Variants in ECPAS observed in about 807,000 individuals in gnomAD.
ECPAS encodes Ecm29 proteasome adaptor and scaffold.
In ECPAS, 70 loss-of-function variants were observed where a neutral mutation model predicts 255.1. The observed-to-expected ratio is 0.27, with a 90% CI of 0.23 to 0.33. The LOEUF is 0.33. Ranked by LOEUF, ECPAS falls within the 10% of genes least tolerant of loss-of-function variation. The pLI, the probability that ECPAS is intolerant of heterozygous loss-of-function variation, is 1.00. For synonymous variants in ECPAS, 784 were observed against 775.0 expected (o/e 1.01, Z -0.19); for missense variants, 1,817 against 2,206.4 (o/e 0.82, Z 3.54).
rs1253338514 is a variant in ECPAS at position 111,408,570 on chromosome 9, C to A, written c.2652+1G>T. The A allele has an allele frequency of 6.5e-7, 1 of 1,527,368 alleles. No individual in the cohort carries two copies. 94.6% of individuals were successfully genotyped at this position (1,527,368 alleles called of 1,614,324 possible). A position where few individuals can be genotyped will look rare whatever the true frequency, so the allele number is the denominator to read the frequency against. On this transcript the variant is annotated splice_donor_variant, in intron 24 of 49. Coordinates refer to ENST00000684092, the MANE Select transcript of ECPAS (RefSeq NM_001364929.1). LOFTEE classifies it high-confidence loss of function. ...TAACAATCAGGTAGCAATATAAATA[C>A]CTCCACAGAATCCATCAGACCTTGC... is the stretch of plus-strand genomic sequence containing the variant.
At chr9:111,414,304 A>C in intron 19 of ECPAS, 125 bp downstream of exon 19, 1 of 832,654 alleles carries the variant, frequency 1.2e-6, no homozygotes, top group Non-Finnish European at 1.8e-6. Flanking sequence ...GTTTAAAAAG[A>C]AACAAAGGCT....
chr9:111,394,136 C>T (rs1368477627), intron 26 of ECPAS, 24 bp downstream of exon 26: 7 of 1,580,262 alleles, frequency 4.4e-6, no homozygotes, highest in Admixed American at 1.9e-5. Context: ...TCCAACAGGG[C>T]TGACCACATA....
At chr9:111,424,047 C>T (rs1489759758) in intron 12 of ECPAS, among the ~76,000 whole-genome samples, 1 of 152,112 alleles carries the variant, frequency 6.6e-6, no homozygotes, top group Non-Finnish European at 1.5e-5. Flanking sequence ...ACAGCTTCTC[C>T]CCAAGAGCCC....
At chr9:111,406,135 G>A (rs1412561133) in intron 24 of ECPAS, among the ~76,000 whole-genome samples, 1 of 149,678 alleles carries the variant, frequency 6.7e-6, no homozygotes, top group Non-Finnish European at 1.5e-5. Context: ...TCCAGCAACA[G>A]ATGAATGGAT....
chr9:111,424,566 C>T (rs969828990), intron 12 of ECPAS, among the ~76,000 whole-genome samples: 2 of 2,682 alleles, frequency 7.5e-4, no homozygotes, highest in South Asian at 0.029. Flanking sequence ...AAGAGAAATA[C>T]AGCAGGGAAA....
Position 111,412,113 on chromosome 9 carries a change from T to C in ECPAS, c.2115A>G (p.Glu705=), listed in dbSNP as rs776161024. Residue 705 remains glutamate, a synonymous_variant, in exon 21 of 50, where the codon GAA becomes GAG. Transcript: ENST00000684092. ...LMNNSKEEMR[E]LAALFYSVVV... is the part of the protein sequence containing the mutation. ...CTACAGAATAAAACAACGCTGCCAG[T>C]TCGCGCATTTCTTCTTTACTGTTAT... 12 of 1,591,332 alleles carry C rather than the reference T, an allele frequency of 7.5e-6. No individual in the cohort carries two copies. In the African/African-American group the frequency reaches 1.6e-4, roughly 22 times the overall value.
intron 19 of ECPAS, 136 bp from the exon 20 acceptor site, chr9:111,414,122 ACCTACAC>A: frequency 3.2e-6 from 2 of 619,334 alleles, no homozygotes; most frequent in Non-Finnish European, 5.3e-6. Flanking sequence ...AAAAAAGAAA[ACCTACAC>A]AACCTAAATA....
At chr9:111,429,401 G>C (rs990728663) in intron 9 of ECPAS, among the ~76,000 whole-genome samples, 5 of 152,024 alleles carry the variant, frequency 3.3e-5, no homozygotes, top group African/African-American at 9.7e-5. Flanking sequence ...TATTGACACA[G>C]TACAAAAAGA....
rs192111516 is a variant in ECPAS, at chr9:111,414,622, C to T, written c.1794G>A (p.Ala598=). 9.1e-5 allele frequency: 147 copies of T among 1,613,564 alleles called. No homozygotes were observed. In the East Asian group the frequency reaches 2.6e-3, roughly 29 times the overall value. Residue 598 remains alanine (A), a synonymous_variant, in exon 19 of 50, where the codon GCG becomes GCA. Transcript: ENST00000684092. ...EIVLYLRMCL[A]HSAGVVPTSQ... ...AGGTGGGCACCACCCCCGCACTGTGCGCAAGGCACATGCGCAAGTACAGAA... is the reference window on the plus strand; with the variant it reads ...AGGTGGGCACCACCCCCGCACTGTGTGCAAGGCACATGCGCAAGTACAGAA...
At chr9:111,444,518 T>C in intron 3 of ECPAS, 24 bp from the exon 4 acceptor site, 1 of 1,449,040 alleles carries the variant, frequency 6.9e-7, no homozygotes, top group Non-Finnish European at 9.7e-7. Flanking sequence ...AGATGGGAAC[T>C]AAAGTTATTG....
intron 2 of ECPAS, among the ~76,000 whole-genome samples, chr9:111,456,842 G>A (rs756163631): frequency 3.3e-5 from 5 of 152,210 alleles, no homozygotes; most frequent in Non-Finnish European, 5.9e-5. Context: ...AAAGAGTGGA[G>A]AGGGAAGAGG....
intron 6 of ECPAS, among the ~76,000 whole-genome samples, chr9:111,439,609 T>C (rs2098243029): frequency 6.6e-6 from 1 of 152,192 alleles, no homozygotes; most frequent in Non-Finnish European, 1.5e-5. Flanking sequence ...TTGTTTTCTT[T>C]CTTTCTTTTT....
At chr9:111,470,595 C>A (rs551273262) in intron 2 of ECPAS, among the ~76,000 whole-genome samples, 427 of 152,300 alleles carry the variant, frequency 2.8e-3, no homozygotes, top group Non-Finnish European at 4.7e-3. Flanking sequence ...CAGGCGTGAG[C>A]CACTGTGCCC....
rs1476232022 is a variant in ECPAS at position 111,466,737 on chromosome 9, C to A, written c.22+6160G>T. 3.3e-5 allele frequency among the ~76,000 whole-genome samples: 5 copies of A among 152,136 alleles called. No homozygotes were observed. In the East Asian group the frequency reaches 9.7e-4, roughly 29 times the overall value. On this transcript the variant is annotated intron_variant, in intron 2 of 49. Coordinates refer to ENST00000684092, the MANE Select transcript of ECPAS (RefSeq NM_001364929.1). The stretch of plus-strand genomic sequence containing the variant: ...AGTTACAGCTCATTGCAGTCTCAAG[C>A]CATTCTTCCACCTCAGCCTTGGAAG...
At chr9:111,383,373 G>A (rs376611456) in intron 34 of ECPAS, 41 bp from the exon 35 acceptor site, 51 of 1,572,176 alleles carry the variant, frequency 3.2e-5, no homozygotes, top group African/African-American at 2.8e-4. Context: ...AAGTGACCGC[G>A]CATCCAATAA....
intron 23 of ECPAS, 53 bp downstream of exon 23, chr9:111,409,988 T>C (rs1403168859): frequency 4.4e-5 from 58 of 1,318,360 alleles, no homozygotes; most frequent in Non-Finnish European, 6.1e-5. Context: ...TTTGCTCATG[T>C]ATGCATAGAA....
At chr9:111,451,400 C>T (rs767179035) in intron 3 of ECPAS, 25 bp downstream of exon 3, 3 of 1,551,946 alleles carry the variant, frequency 1.9e-6, no homozygotes, top group Non-Finnish European at 2.6e-6. Context: ...TCATTTAATT[C>T]CCCCAGCTGT....
intron 24 of ECPAS, among the ~76,000 whole-genome samples, chr9:111,406,020 T>G (rs904511064): frequency 6.7e-6 from 1 of 149,578 alleles, no homozygotes; most frequent in Admixed American, 6.6e-5. Flanking sequence ...GTATCCTGAG[T>G]ATATATCCAG....
chr9:111,385,234 T>C (rs1236420949), intron 33 of ECPAS, 103 bp downstream of exon 33: 1 of 684,788 alleles, frequency 1.5e-6, no homozygotes, highest in Non-Finnish European at 2.4e-6. Context: ...GTTGGTCTCT[T>C]AAAATTATCT....
Sources: gnomAD v4.1 joint callset for allele counts (sites outside exome capture counted in the v4.1 genomes callset) on GRCh38, gnomAD v4.1.1 for gene constraint, MANE v1.5 for transcripts, NCBI Gene and HGNC (gene_info 2026-07-23, HGNC 2026-07-21) for gene names.